The following MLANA variants were observed in gnomAD, a reference collection of about 807,000 sequenced individuals.
MLANA encodes melanoma antigen recognized by T-cells 1.
Under a neutral mutation model 15.7 loss-of-function variants are expected in MLANA, and 21 were observed. The ratio of observed to expected loss-of-function variants is 1.33; its 90% CI spans 0.95 to 1.92. The LOEUF (loss-of-function observed/expected upper bound fraction) is 1.92, where lower values mean the gene tolerates loss of function less well. Ranked by LOEUF, MLANA falls within the 40% of genes most tolerant of loss-of-function variation. The probability of loss-of-function intolerance (pLI) is 0.00; values close to 1 mark genes in which losing one functional copy is unlikely to be tolerated. For missense variants in MLANA, 164 were observed against 143.8 expected (o/e 1.14, Z -0.72); for synonymous variants, 56 against 51.5 (o/e 1.09, Z -0.37).
intron 2 of MLANA, among the ~76,000 whole-genome samples, chr9:5,895,422 C>G (rs1831949382): frequency 6.6e-6 from 1 of 151,712 alleles, no homozygotes; most frequent in Non-Finnish European, 1.5e-5. Flanking sequence ...AATCCAGATC[C>G]TGCACAATGG....
chr9:5,910,202 T>C lies in MLANA; in HGVS notation c.*1494T>C, dbSNP rs970095766. 2.6e-5 allele frequency: 4 copies of C among 152,174 alleles called. No homozygotes were observed. Among genetic ancestry groups the C allele is most frequent in the Non-Finnish European group, 5.9e-5 (4 of 68,008 alleles). The allele number at this position is 152,174 out of a possible 1,614,324, so 9.4% of individuals were successfully genotyped here. On this transcript the variant is annotated 3_prime_UTR_variant, in exon 5 of 5. Transcript: ENST00000381477. Reference sequence around the variant, plus strand: ...AAGAAATTACTTTCTCACTATATGATTCATTGCTATTTAACGGTGAGTCAG... The same window carrying C: ...AAGAAATTACTTTCTCACTATATGACTCATTGCTATTTAACGGTGAGTCAG...
At position 5,897,797 on chromosome 9, in the gene MLANA, T is replaced by C. The variant is rs139168763; in HGVS notation, c.174+144T>C. On this transcript the variant is annotated intron_variant, in intron 3 of 4. Transcript: ENST00000381477. Reference sequence around the variant, plus strand: ...GGCTTCTGATGCCTCTTTTGCTACATTGTACTTTGGCAACTCTACCTTTGC... The same window carrying C: ...GGCTTCTGATGCCTCTTTTGCTACACTGTACTTTGGCAACTCTACCTTTGC... 1.1e-4 allele frequency: 80 copies of C among 746,006 alleles called. No homozygotes were observed. The African/African-American group carries it at 1.2e-3, about 11-fold the overall frequency. 46.2% of individuals were successfully genotyped at this position (746,006 alleles called of 1,614,324 possible). A position where few individuals can be genotyped will look rare whatever the true frequency, so the allele number is the denominator to read the frequency against.
At chr9:5,908,345 A>T (rs142817730) in intron 4 of MLANA, among the ~76,000 whole-genome samples, 42 of 152,356 alleles carry the variant, frequency 2.8e-4, no homozygotes, top group African/African-American at 9.9e-4. Context: ...ATAGCATTCA[A>T]TGATTCGTTA....
At chr9:5,897,343 C>A (rs112055160) in intron 2 of MLANA, among the ~76,000 whole-genome samples, 1,644 of 152,330 alleles carry the variant, frequency 0.011, 19 homozygotes, top group Middle Eastern at 0.082. Flanking sequence ...TTCCTGTGGG[C>A]ACACACTTGA....
At chr9:5,907,642 T>C (rs1434132090) in intron 4 of MLANA, among the ~76,000 whole-genome samples, 1 of 152,228 alleles carries the variant, frequency 6.6e-6, no homozygotes, top group Non-Finnish European at 1.5e-5. Context: ...CTTTTAAATG[T>C]AGCTACTAGA....
rs1455690677 is a variant in MLANA, at chr9:5,894,888, G to A, written c.77+2337G>A. ...GTAGGTTTGGAGTTGAGGGACAATGGCTTAATAAAGGGCAAAGGGGGTTAT... is the reference window on the plus strand; with the variant it reads ...GTAGGTTTGGAGTTGAGGGACAATGACTTAATAAAGGGCAAAGGGGGTTAT... On this transcript the variant is annotated intron_variant, in intron 2 of 4. Transcript: ENST00000381477. The surrounding 1 kb of genome is among the most constrained non-coding windows in gnomAD (Gnocchi z 4.0). Among the ~76,000 whole-genome samples the A allele has an allele frequency of 2.0e-5, 3 of 152,184 alleles. No individual in the cohort carries two copies. Among genetic ancestry groups the A allele is most frequent in the Non-Finnish European group, 2.9e-5 (2 of 68,026 alleles).
At position 5,907,111 on chromosome 9, in the gene MLANA, TG is replaced by T. The variant is rs1190521075; in HGVS notation, c.288+114del. 17 of 625,868 alleles carry T rather than the reference TG, an allele frequency of 2.7e-5. No homozygotes were observed. In the African/African-American group the frequency reaches 3.1e-4, roughly 11 times the overall value. The allele number at this position is 625,868 out of a possible 1,614,324, so 38.8% of individuals were successfully genotyped here. A position where few individuals can be genotyped will look rare whatever the true frequency, so the allele number is the denominator to read the frequency against. ...ACAATGTGAATGTACTCATTGCCAC[TG>T]AACTATATACACCTAAAAATGGTTA... On this transcript the variant is annotated intron_variant, in intron 4 of 4. Coordinates refer to ENST00000381477, the MANE Select transcript of MLANA (RefSeq NM_005511.2).
intron 3 of MLANA, among the ~76,000 whole-genome samples, chr9:5,903,520 T>C (rs1043608950): frequency 3.6e-4 from 55 of 152,344 alleles, no homozygotes; most frequent in African/African-American, 1.3e-3. Context: ...GTTGGCCTCA[T>C]ACAATGAGTT....
At chr9:5,896,079 T>C (rs556850158) in intron 2 of MLANA, among the ~76,000 whole-genome samples, 2 of 152,190 alleles carry the variant, frequency 1.3e-5, no homozygotes, top group Non-Finnish European at 1.5e-5. Flanking sequence ...CTGGGAGACC[T>C]GGATCTGGCC....
At position 5,909,785 on chromosome 9, in the gene MLANA, G is replaced by C. The variant is rs1001540471; in HGVS notation, c.*1077G>C. The C allele has an allele frequency of 2.0e-5, 3 of 152,200 alleles. No homozygotes were observed. Among genetic ancestry groups the C allele is most frequent in the African/African-American group, 4.8e-5 (2 of 41,446 alleles). 9.4% of individuals were successfully genotyped at this position (152,200 alleles called of 1,614,324 possible). A position where few individuals can be genotyped will look rare whatever the true frequency, so the allele number is the denominator to read the frequency against. On this transcript the variant is annotated 3_prime_UTR_variant, in exon 5 of 5. Coordinates refer to ENST00000381477, the MANE Select transcript of MLANA (RefSeq NM_005511.2). The stretch of plus-strand genomic sequence containing the variant: ...TTGGGTTCCCAAATCCCTCTCACAA[G>C]AATGTGCAGAAGAAATCATAAAGGA...
rs953815294 is a variant in MLANA, at chr9:5,910,275, A to C, written c.*1567A>C. 3 of 152,250 alleles carry C rather than the reference A, an allele frequency of 2.0e-5. No individual in the cohort carries two copies. The highest frequency in any genetic ancestry group is 7.2e-5 in the African/African-American group (3 of 41,470). 9.4% of individuals were successfully genotyped at this position (152,250 alleles called of 1,614,324 possible). On this transcript the variant is annotated 3_prime_UTR_variant, in exon 5 of 5. Coordinates refer to ENST00000381477, the MANE Select transcript of MLANA (RefSeq NM_005511.2). ...GTCTCATCAGAAACACTAGTGTAAC[A>C]TAACTGCATCATTTTCTACTAAAGA...
In MLANA at chr9:5,897,599, A is replaced by G. The variant is rs770356244; in HGVS notation, c.120A>G (p.Leu40=). 6.2e-7 allele frequency: 1 copy of G among 1,614,148 alleles called. No homozygotes were observed. The highest frequency in any genetic ancestry group is 1.1e-5 in the South Asian group (1 of 91,088). ...TCCTGACAGTGATCCTGGGAGTCTTACTGCTCATCGGCTGTTGGTATTGTA... is the reference window on the plus strand; with the variant it reads ...TCCTGACAGTGATCCTGGGAGTCTTGCTGCTCATCGGCTGTTGGTATTGTA... The part of the protein sequence containing the change: ...IGILTVILGV[L]LLIGCWYCRR... The change falls in exon 3 of 5, where the codon TTA becomes TTG. Residue 40 remains leucine, a synonymous_variant. Transcript: ENST00000381477.
At chr9:5,893,387 C>G (rs1831785131) in intron 2 of MLANA, among the ~76,000 whole-genome samples, 1 of 152,190 alleles carries the variant, frequency 6.6e-6, no homozygotes, top group Admixed American at 6.5e-5. Context: ...TGTGAACCTG[C>G]TCTTTCTTTG....
At chr9:5,892,643 C>G in intron 2 of MLANA, 92 bp downstream of exon 2, 1 of 1,008,644 alleles carries the variant, frequency 9.9e-7, no homozygotes. Context: ...GCTCGTAAAT[C>G]TCCCTAGTGT....
At chr9:5,904,479 T>G (rs1261163718) in intron 3 of MLANA, among the ~76,000 whole-genome samples, 1 of 152,166 alleles carries the variant, frequency 6.6e-6, no homozygotes, top group Non-Finnish European at 1.5e-5. Context: ...TTATACTTTT[T>G]TCTTTTTGAG....
rs1407178255 is a variant in MLANA, at chr9:5,908,733, G to A, written c.*25G>A. On this transcript the variant is annotated 3_prime_UTR_variant, in exon 5 of 5. Coordinates refer to ENST00000381477, the MANE Select transcript of MLANA (RefSeq NM_005511.2). ...AGAGCCAGCGAGACACCTGAGACATGCTGAAATTATTTCTCTCACACTTTT... is the reference window on the plus strand; with the variant it reads ...AGAGCCAGCGAGACACCTGAGACATACTGAAATTATTTCTCTCACACTTTT... 1 of 1,596,178 alleles carries A rather than the reference G, an allele frequency of 6.3e-7. No homozygotes were observed. The highest frequency in any genetic ancestry group is 1.7e-5 in the Admixed American group (1 of 59,878).
In MLANA at chr9:5,901,428, G is replaced by A. The variant is rs570946939; in HGVS notation, c.174+3775G>A. On this transcript the variant is annotated intron_variant, in intron 3 of 4. Coordinates refer to ENST00000381477, the MANE Select transcript of MLANA (RefSeq NM_005511.2). Reference sequence around the variant, plus strand: ...TGAGAGTTTTAAATTATGAATGGGTGTTTGATTTTGTCAAATGCTTTTTCT... The same window carrying A: ...TGAGAGTTTTAAATTATGAATGGGTATTTGATTTTGTCAAATGCTTTTTCT... Among the ~76,000 whole-genome samples, 4 of 152,272 alleles carry A rather than the reference G, an allele frequency of 2.6e-5. No homozygotes were observed. The South Asian group carries it at 8.3e-4, about 32-fold the overall frequency.
At chr9:5,908,377 T>C (rs1370801337) in intron 4 of MLANA, among the ~76,000 whole-genome samples, 3 of 152,230 alleles carry the variant, frequency 2.0e-5, no homozygotes, top group Admixed American at 1.3e-4. Context: ...AGACTTTTAC[T>C]GTCATGGAAA....
intron 2 of MLANA, among the ~76,000 whole-genome samples, chr9:5,896,721 C>T (rs1180722531): frequency 6.6e-6 from 1 of 152,182 alleles, no homozygotes; most frequent in Non-Finnish European, 1.5e-5. Context: ...CAGCTCCAGG[C>T]CCTGTTTCCA....
Sources: allele counts gnomAD v4.1 joint callset (sites outside exome capture counted in the v4.1 genomes callset), GRCh38; gene constraint gnomAD v4.1.1; non-coding constraint Gnocchi (gnomAD v3.1); transcripts MANE v1.5; gene names NCBI Gene and HGNC (gene_info 2026-07-23, HGNC 2026-07-21).